The following RTN1 variants were observed in gnomAD, a reference collection of about 807,000 sequenced individuals.
RTN1 encodes the protein reticulon 1, also known as reticulon-1.
Under a neutral mutation model 65.5 loss-of-function variants are expected in RTN1, and 25 were observed. That is an observed-to-expected ratio of 0.38 (90% CI 0.28 to 0.53). The LOEUF (loss-of-function observed/expected upper bound fraction) is 0.53. RTN1 is among the 20% of genes least tolerant of loss of function. RTN1 has a pLI of 0.79. For synonymous variants in RTN1, 471 were observed against 447.6 expected, an observed-to-expected ratio of 1.05 and a Z score of -0.66; for missense variants, 983 against 1,025.4, an observed-to-expected ratio of 0.96 and a Z score of 0.57.
At chr14:59,854,639 C>CAAAAAAA (rs552017689) in intron 1 of RTN1, among the ~76,000 whole-genome samples, 3 of 71,778 alleles carry the variant, frequency 4.2e-5, no homozygotes, top group Non-Finnish European at 7.2e-5. Context: ...GACTGCGTCT[C>CAAAAAAA]AAAAAAAAAA....
intron 3 of RTN1, among the ~76,000 whole-genome samples, chr14:59,607,979 C>A (rs955448966): frequency 6.6e-6 from 1 of 151,828 alleles, no homozygotes; most frequent in African/African-American, 2.4e-5. Flanking sequence ...GGTTTGTTTG[C>A]TTACATTCTG....
chr14:59,654,566 A>T (rs899421167), intron 3 of RTN1, among the ~76,000 whole-genome samples: 1 of 152,066 alleles, frequency 6.6e-6, no homozygotes, highest in Non-Finnish European at 1.5e-5. Context: ...ATGAATATAG[A>T]TGCCAAAATA....
At chr14:59,605,588 T>C in intron 4 of RTN1, 82 bp from the exon 5 acceptor site, 1 of 1,457,238 alleles carries the variant, frequency 6.9e-7, no homozygotes, top group Non-Finnish European at 9.5e-7. Flanking sequence ...CAGCTAAGCG[T>C]TCCTACTCTC....
chr14:59,726,313 A>G (rs1160403877), intron 3 of RTN1, among the ~76,000 whole-genome samples: 2 of 152,234 alleles, frequency 1.3e-5, no homozygotes, highest in East Asian at 3.8e-4. Context: ...AAGTGAATGA[A>G]TCACCTTCAG....
intron 3 of RTN1, among the ~76,000 whole-genome samples, chr14:59,631,000 C>T (rs1882541657): frequency 6.6e-6 from 1 of 152,180 alleles, no homozygotes; most frequent in Non-Finnish European, 1.5e-5. Context: ...AAGACCAAGT[C>T]AACGGCATCA....
chr14:59,602,323 C>T (rs1881605450), intron 8 of RTN1, among the ~76,000 whole-genome samples: 1 of 152,010 alleles, frequency 6.6e-6, no homozygotes, highest in African/African-American at 2.4e-5. Flanking sequence ...AAAGATTAGG[C>T]TAGCTTTTTA....
At chr14:59,757,911 T>C (rs1169170174) in intron 1 of RTN1, among the ~76,000 whole-genome samples, 2 of 152,186 alleles carry the variant, frequency 1.3e-5, no homozygotes, top group Non-Finnish European at 2.9e-5. Flanking sequence ...GTCTGTAGTT[T>C]ACATTAAAGT....
At chr14:59,780,909 G>A (rs1453581149) in intron 1 of RTN1, among the ~76,000 whole-genome samples, 1 of 152,190 alleles carries the variant, frequency 6.6e-6, no homozygotes, top group Non-Finnish European at 1.5e-5. Context: ...GGGAAAGAGA[G>A]GAAGCCCCCC....
At chr14:59,611,836 C>T (rs774178737) in intron 3 of RTN1, among the ~76,000 whole-genome samples, 1 of 152,252 alleles carries the variant, frequency 6.6e-6, no homozygotes, top group Non-Finnish European at 1.5e-5. Flanking sequence ...TCCATCTCCT[C>T]TTTGTCTGTG....
chr14:59,613,722 G>A (rs779216556), intron 3 of RTN1, among the ~76,000 whole-genome samples: 7 of 151,710 alleles, frequency 4.6e-5, no homozygotes, highest in African/African-American at 7.3e-5. Flanking sequence ...CCTTCTTAAA[G>A]CACTCATGAG....
intron 3 of RTN1, among the ~76,000 whole-genome samples, chr14:59,688,077 C>T (rs1311420231): frequency 2.0e-5 from 3 of 151,890 alleles, no homozygotes; most frequent in Admixed American, 2.0e-4. Flanking sequence ...GCCTGAGCTG[C>T]CCCACTATTC....
intron 1 of RTN1, among the ~76,000 whole-genome samples, chr14:59,760,007 G>T (rs184848559): frequency 2.5e-4 from 38 of 152,064 alleles, no homozygotes; most frequent in African/African-American, 8.2e-4. Context: ...CTTCTTACAG[G>T]AATTAGCCCA....
intron 1 of RTN1, 53 bp from the exon 2 acceptor site, chr14:59,746,534 T>C (rs1885231076): frequency 1.4e-6 from 2 of 1,475,562 alleles, no homozygotes; most frequent in Admixed American, 2.1e-5. Context: ...GTCAGCTCTC[T>C]CTCTTGTCTA....
intron 3 of RTN1, among the ~76,000 whole-genome samples, chr14:59,670,797 T>G (rs1352635653): frequency 6.6e-5 from 10 of 152,228 alleles, no homozygotes; most frequent in Admixed American, 6.5e-4. Context: ...GGTGTCATGA[T>G]GGCTAGTATA....
chr14:59,794,422 C>T lies in RTN1; in HGVS notation c.242-47941G>A, dbSNP rs745392812. Among the ~76,000 whole-genome samples the T allele has an allele frequency of 3.9e-5, 6 of 152,156 alleles. No homozygotes were observed. The highest frequency in any genetic ancestry group is 7.3e-5 in the Non-Finnish European group (5 of 68,036). On this transcript the variant is annotated intron_variant, in intron 1 of 8. Transcript: ENST00000267484. This position sits in a 1 kb window ranked among gnomAD's most constrained non-coding sequence, Gnocchi z 5.1. ...TCAAATCACCTCCAAAGCCTGTCTACGTCTAGAATTTTCAGTTTCATCAGC... is the reference window on the plus strand; with the variant it reads ...TCAAATCACCTCCAAAGCCTGTCTATGTCTAGAATTTTCAGTTTCATCAGC...
intron 1 of RTN1, among the ~76,000 whole-genome samples, chr14:59,853,214 CTAATG>C (rs1887540956): frequency 1.3e-5 from 2 of 152,164 alleles, no homozygotes; most frequent in Admixed American, 1.3e-4. Context: ...AATTACTAAT[CTAATG>C]TATCTCCTCT....
At chr14:59,839,031 G>C (rs1435972953) in intron 1 of RTN1, among the ~76,000 whole-genome samples, 1 of 152,104 alleles carries the variant, frequency 6.6e-6, no homozygotes, top group Non-Finnish European at 1.5e-5. Context: ...CAGACCAAAA[G>C]AAAGAGACGC....
At chr14:59,635,396 G>A (rs1882642779) in intron 3 of RTN1, among the ~76,000 whole-genome samples, 1 of 151,844 alleles carries the variant, frequency 6.6e-6, no homozygotes, top group Admixed American at 6.6e-5. Flanking sequence ...GACACTTTAG[G>A]AAGAAAAAAA....
chr14:59,831,618 A>G (rs1887125659), intron 1 of RTN1, among the ~76,000 whole-genome samples: 1 of 152,128 alleles, frequency 6.6e-6, no homozygotes, highest in African/African-American at 2.4e-5. Flanking sequence ...ATGTGTGTGT[A>G]TGTATAATAT....
Sources: gnomAD v4.1 joint callset for allele counts (sites outside exome capture counted in the v4.1 genomes callset) on GRCh38, gnomAD v4.1.1 for gene constraint, Gnocchi (gnomAD v3.1) non-coding constraint, MANE v1.5 for transcripts, NCBI Gene and HGNC (gene_info 2026-07-23, HGNC 2026-07-21) for gene names.